Variants in CSMD1 observed in about 807,000 individuals in gnomAD.
CSMD1 encodes CUB and sushi domain-containing protein 1.
CSMD1 carries 213 observed loss-of-function variants against 417.5 expected under a neutral mutation model. That is an observed-to-expected ratio of 0.51 (90% CI 0.46 to 0.57). The LOEUF is 0.57. CSMD1 is among the 20% of genes least tolerant of loss of function. The pLI is 0.00. For missense variants in CSMD1, 6,923 were observed against 4,529.7 expected (o/e 1.53, Z -15.17); for synonymous variants, 2,862 against 1,736.8 (o/e 1.65, Z -16.11).
chr8:4,136,493 A>C (rs930644594), intron 3 of CSMD1, among the ~76,000 whole-genome samples: 1 of 152,226 alleles, frequency 6.6e-6, no homozygotes, highest in Non-Finnish European at 1.5e-5. Context: ...GGATGCTATT[A>C]TATTACTGTC....
chr8:3,452,275 G>C (rs930361704), intron 12 of CSMD1, among the ~76,000 whole-genome samples: 6 of 152,148 alleles, frequency 3.9e-5, no homozygotes, highest in African/African-American at 7.2e-5. Context: ...GGGACAATTT[G>C]ACTTCCTCTT....
At chr8:2,969,641 C>T (rs1479989879) in intron 57 of CSMD1, among the ~76,000 whole-genome samples, 1 of 152,132 alleles carries the variant, frequency 6.6e-6, no homozygotes, top group Admixed American at 6.5e-5. Flanking sequence ...GGGGATTAGT[C>T]AAGTCATAGC....
intron 5 of CSMD1, among the ~76,000 whole-genome samples, chr8:3,790,707 C>T (rs1255364262): frequency 4.6e-5 from 7 of 152,062 alleles, no homozygotes; most frequent in Non-Finnish European, 8.8e-5. Flanking sequence ...ATCTAGATAC[C>T]TTTGACAAAA....
chr8:3,718,347 C>T (rs1336662231), intron 6 of CSMD1, among the ~76,000 whole-genome samples: 2 of 152,054 alleles, frequency 1.3e-5, no homozygotes, highest in East Asian at 3.9e-4. Context: ...TTGAGAAAAA[C>T]TGACAACCAA....
chr8:3,686,410 G>C (rs1175030286), intron 7 of CSMD1, among the ~76,000 whole-genome samples: 2 of 152,096 alleles, frequency 1.3e-5, no homozygotes, highest in African/African-American at 2.4e-5. Context: ...CATCCTGCGT[G>C]ACTTCTCTAT....
chr8:3,338,887 A>C (rs1325697792), intron 23 of CSMD1, among the ~76,000 whole-genome samples: 1 of 150,764 alleles, frequency 6.6e-6, no homozygotes, highest in Admixed American at 6.6e-5. Context: ...CACATTGTGC[A>C]GGTTAGTTAC....
intron 3 of CSMD1, among the ~76,000 whole-genome samples, chr8:4,330,525 G>A (rs1014921624): frequency 6.6e-6 from 1 of 151,470 alleles, no homozygotes; most frequent in African/African-American, 2.4e-5. Context: ...AGGAGGCAGA[G>A]GTTACAGTAA....
chr8:3,917,598 T>C (rs1019649351), intron 5 of CSMD1, among the ~76,000 whole-genome samples: 2 of 91,534 alleles, frequency 2.2e-5, no homozygotes, highest in African/African-American at 4.0e-5. Context: ...AAAGTTCAGA[T>C]TGGCTTCATA....
intron 2 of CSMD1, among the ~76,000 whole-genome samples, chr8:4,582,688 G>A (rs1011109693): frequency 2.0e-5 from 3 of 152,196 alleles, no homozygotes; most frequent in Admixed American, 6.5e-5. Flanking sequence ...GCCCTCGCTC[G>A]CTCTCGGCGC....
At chr8:4,161,329 G>A (rs1244957255) in intron 3 of CSMD1, among the ~76,000 whole-genome samples, 19 of 152,144 alleles carry the variant, frequency 1.2e-4, no homozygotes, top group Admixed American at 1.2e-3. Context: ...ACAGAATTAG[G>A]GCTAAAATCC....
intron 5 of CSMD1, among the ~76,000 whole-genome samples, chr8:3,899,200 C>T (rs976340126): frequency 7.9e-5 from 12 of 152,114 alleles, no homozygotes; most frequent in Admixed American, 2.0e-4. Context: ...GGCCAATCAA[C>T]AATGAACACA....
At chr8:3,551,285 A>T (rs1056881396) in intron 10 of CSMD1, among the ~76,000 whole-genome samples, 1 of 152,176 alleles carries the variant, frequency 6.6e-6, no homozygotes, top group Admixed American at 6.5e-5. Flanking sequence ...TCTGTACTAC[A>T]GGACTGTCAT....
rs1431818248 is a variant in CSMD1 at position 4,881,461 on chromosome 8, ATCT to A, written c.85+112868_85+112870del. Among the ~76,000 whole-genome samples the A allele has an allele frequency of 0.02, 161 of 8,088 alleles. 1 individual carries two copies. The Middle Eastern group carries it at 0.21, about 11-fold the overall frequency. The allele number at this position is 8,088 out of a possible 152,430, so 5.3% of individuals were successfully genotyped here. ...TATCTATCTATCTATCTATCTATCT[ATCT>A]TGTCTCCCTACATGCAATAAACCCT... is the stretch of plus-strand genomic sequence containing the variant. On this transcript the variant is annotated intron_variant, in intron 1 of 69. Coordinates refer to ENST00000635120, the MANE Select transcript of CSMD1 (RefSeq NM_033225.6).
At chr8:4,313,641 C>A (rs1337534444) in intron 3 of CSMD1, among the ~76,000 whole-genome samples, 1 of 151,894 alleles carries the variant, frequency 6.6e-6, no homozygotes, top group East Asian at 1.9e-4. Context: ...TAAACATCAA[C>A]ACATGTAAAT....
chr8:3,563,597 A>G (rs1799567754), intron 10 of CSMD1, among the ~76,000 whole-genome samples: 1 of 152,104 alleles, frequency 6.6e-6, no homozygotes, highest in Admixed American at 6.5e-5. Flanking sequence ...AAGTAAAAAC[A>G]TTTTTTAACC....
intron 2 of CSMD1, among the ~76,000 whole-genome samples, chr8:4,446,327 C>T (rs142786691): frequency 1.2e-4 from 18 of 152,218 alleles, no homozygotes; most frequent in Admixed American, 5.9e-4. Flanking sequence ...ATGGGTGGAT[C>T]GCTTGAGCCC....
chr8:4,584,232 T>C (rs531084828), intron 2 of CSMD1, among the ~76,000 whole-genome samples: 1 of 151,920 alleles, frequency 6.6e-6, no homozygotes, highest in Admixed American at 6.6e-5. Context: ...ACCCACCAAT[T>C]CCGGACACAT....
chr8:4,108,298 A>G (rs1801675755), intron 3 of CSMD1, among the ~76,000 whole-genome samples: 1 of 152,174 alleles, frequency 6.6e-6, no homozygotes, highest in Admixed American at 6.5e-5. Context: ...GAAGCCAGTA[A>G]ACTCATATGA....
At chr8:3,119,375 G>C (rs367715760) in intron 41 of CSMD1, among the ~76,000 whole-genome samples, 11 of 57,718 alleles carry the variant, frequency 1.9e-4, no homozygotes, top group Admixed American at 1.6e-3. Context: ...AGTTTTTTTA[G>C]TCTTTTTCTA....
Sources: gnomAD v4.1 joint callset for allele counts (sites outside exome capture counted in the v4.1 genomes callset) on GRCh38, gnomAD v4.1.1 for gene constraint, MANE v1.5 for transcripts, NCBI Gene and HGNC (gene_info 2026-07-23, HGNC 2026-07-21) for gene names.